FOXP2: variants seen among roughly 807,000 people sequenced by gnomAD.
FOXP2 encodes forkhead box protein P2.
Under a neutral mutation model 115.8 loss-of-function variants are expected in FOXP2, and 12 were observed. That is an observed-to-expected ratio of 0.10 (90% confidence interval 0.07 to 0.17). The LOEUF (loss-of-function observed/expected upper bound fraction) is 0.17. FOXP2 is among the 10% of genes least tolerant of loss of function. The probability of loss-of-function intolerance (pLI) is 1.00; values close to 1 mark genes in which losing one functional copy is unlikely to be tolerated. For missense variants in FOXP2, 629 were observed against 843.5 expected (o/e 0.75, Z 3.15); for synonymous variants, 328 against 297.7 (o/e 1.10, Z -1.05).
intron 2 of FOXP2, among the ~76,000 whole-genome samples, chr7:114,460,115 CATTTATTTATTT>C (rs145876718): frequency 6.6e-6 from 1 of 151,996 alleles, no homozygotes; most frequent in Non-Finnish European, 1.5e-5. Context: ...ATGAAAATCA[CATTTATTTATTT>C]ATTTATTTAT....
chr7:114,534,670 A>G lies in FOXP2; in HGVS notation c.222A>G (p.Lys74=), dbSNP rs1249532997. Reference sequence around the variant, plus strand: ...TACAGCAGCAAACAAGTGGATTGAAATCTCCTAAGAGCAGTGATAAACAGA... The same window carrying G: ...TACAGCAGCAAACAAGTGGATTGAAGTCTCCTAAGAGCAGTGATAAACAGA... ...LLLQQQTSGL[K]SPKSSDKQRP... Residue 74 remains lysine, a synonymous_variant, in exon 3 of 17, where the codon AAA becomes AAG. Transcript: ENST00000350908. 1.9e-6 allele frequency: 3 copies of G among 1,611,936 alleles called. No homozygotes were observed. The highest frequency in any genetic ancestry group is 2.7e-5 in the African/African-American group (2 of 74,786).
chr7:114,547,483 C>T (rs868298031), intron 3 of FOXP2, among the ~76,000 whole-genome samples: 5 of 152,116 alleles, frequency 3.3e-5, no homozygotes, highest in Non-Finnish European at 7.4e-5. Flanking sequence ...ATTGGCCCAG[C>T]GCTGTGGCTC....
At chr7:114,090,884 C>G (rs1227466982) in intron 1 of FOXP2, among the ~76,000 whole-genome samples, 2 of 151,146 alleles carry the variant, frequency 1.3e-5, no homozygotes, top group South Asian at 4.2e-4. Flanking sequence ...TTTTAGCTTC[C>G]TCATTTGATT....
intron 1 of FOXP2, among the ~76,000 whole-genome samples, chr7:114,222,997 T>A (rs894875847): frequency 6.6e-6 from 1 of 152,200 alleles, no homozygotes; most frequent in African/African-American, 2.4e-5. Context: ...AATTTACTTA[T>A]CTATTTTATT....
At chr7:114,559,904 T>C (rs11972007) in intron 3 of FOXP2, among the ~76,000 whole-genome samples, 1 of 124,050 alleles carries the variant, frequency 8.1e-6, no homozygotes, top group African/African-American at 3.0e-5. Context: ...AAAAAAAAAA[T>C]CTCATTTTAA....
At chr7:114,106,976 A>C (rs1306975484) in intron 1 of FOXP2, among the ~76,000 whole-genome samples, 1 of 152,020 alleles carries the variant, frequency 6.6e-6, no homozygotes, top group Admixed American at 6.6e-5. Flanking sequence ...TAATATACAA[A>C]ATTTAAGAGA....
chr7:114,214,033 A>G (rs1337843354), intron 1 of FOXP2, among the ~76,000 whole-genome samples: 1 of 152,218 alleles, frequency 6.6e-6, no homozygotes, highest in Non-Finnish European at 1.5e-5. Flanking sequence ...GGATACACTT[A>G]TTTATTAAAC....
At chr7:114,480,152 A>T (rs1185981223) in intron 2 of FOXP2, among the ~76,000 whole-genome samples, 1 of 151,450 alleles carries the variant, frequency 6.6e-6, no homozygotes, top group Non-Finnish European at 1.5e-5. Context: ...AAAGGTTGGT[A>T]ACCAAAAGAA....
At chr7:114,258,431 T>G (rs1254178414) in intron 1 of FOXP2, among the ~76,000 whole-genome samples, 3 of 152,178 alleles carry the variant, frequency 2.0e-5, no homozygotes, top group Admixed American at 6.5e-5. Flanking sequence ...TAGGATCACC[T>G]TTTGAAAAGC....
chr7:114,229,738 C>G (rs1794827614), intron 1 of FOXP2, among the ~76,000 whole-genome samples: 1 of 151,032 alleles, frequency 6.6e-6, no homozygotes, highest in East Asian at 1.9e-4. Context: ...TGGAATGTCA[C>G]AAAAGCAATA....
chr7:114,386,529 A>G (rs1188097065), intron 2 of FOXP2, among the ~76,000 whole-genome samples: 2 of 152,184 alleles, frequency 1.3e-5, no homozygotes, highest in African/African-American at 4.8e-5. Flanking sequence ...CCTGGGCACA[A>G]GATTGTAGTG....
chr7:114,344,718 C>T (rs1164152971), intron 2 of FOXP2, among the ~76,000 whole-genome samples: 1 of 151,724 alleles, frequency 6.6e-6, no homozygotes, highest in Non-Finnish European at 1.5e-5. Context: ...TATAGGCCTT[C>T]CAAATTTTGA....
At position 114,265,557 on chromosome 7, in the gene FOXP2, G is replaced by T. The variant is rs536655036; in HGVS notation, c.-101-22462G>T. Among the ~76,000 whole-genome samples, 227 of 152,198 alleles carry T rather than the reference G, an allele frequency of 1.5e-3. 1 individual carries two copies. The highest frequency in any genetic ancestry group is 5.3e-3 in the African/African-American group (221 of 41,526). ...AGCTGCTGCTGGCTCTACCAGTCTG[G>T]GGTCTGGAGCATGGTGGTCCCCTTC... On this transcript the variant is annotated intron_variant, in intron 1 of 17. Coordinates refer to the FOXP2 transcript ENST00000634411.
chr7:114,429,618 G>T (rs1431716473), intron 2 of FOXP2, among the ~76,000 whole-genome samples: 1 of 151,472 alleles, frequency 6.6e-6, no homozygotes, highest in East Asian at 1.9e-4. Flanking sequence ...GCTAAAACTT[G>T]ATTGCTTTAC....
At chr7:114,450,288 G>A (rs1795015419) in intron 2 of FOXP2, among the ~76,000 whole-genome samples, 1 of 152,068 alleles carries the variant, frequency 6.6e-6, no homozygotes, top group Non-Finnish European at 1.5e-5. Flanking sequence ...GCCTGATGTG[G>A]AGGATTTGTT....
At chr7:114,283,069 T>C (rs1187665685) in intron 1 of FOXP2, among the ~76,000 whole-genome samples, 1 of 152,174 alleles carries the variant, frequency 6.6e-6, no homozygotes, top group African/African-American at 2.4e-5. Context: ...AATTTGTGAA[T>C]TAAACTTGTG....
At chr7:114,142,384 C>T (rs1226589744) in intron 1 of FOXP2, among the ~76,000 whole-genome samples, 1 of 152,008 alleles carries the variant, frequency 6.6e-6, no homozygotes, top group African/African-American at 2.4e-5. Context: ...TTTAGAAGCA[C>T]TATTATTTGT....
chr7:114,125,541 G>C (rs1218109126), intron 1 of FOXP2, among the ~76,000 whole-genome samples: 1 of 151,986 alleles, frequency 6.6e-6, no homozygotes, highest in Non-Finnish European at 1.5e-5. Context: ...TTTTCAGGAG[G>C]GAATAAATAA....
At chr7:114,685,511 G>T (rs1214960260) in intron 16 of FOXP2, among the ~76,000 whole-genome samples, 1 of 151,984 alleles carries the variant, frequency 6.6e-6, no homozygotes, top group Admixed American at 6.6e-5. Flanking sequence ...CTTTTTATTT[G>T]TATTGGCTAA....
Sources: gnomAD v4.1 joint callset for allele counts (sites outside exome capture counted in the v4.1 genomes callset) on GRCh38, gnomAD v4.1.1 for gene constraint, MANE v1.5 for transcripts, NCBI Gene and HGNC (gene_info 2026-07-23, HGNC 2026-07-21) for gene names.